SGK1: variants seen among roughly 807,000 people sequenced by gnomAD.
The protein encoded by SGK1 is serine/threonine-protein kinase Sgk1.
SGK1 carries 26 observed loss-of-function variants against 64.2 expected under a neutral mutation model. That is an observed-to-expected ratio of 0.40 (90% CI 0.30 to 0.56). The LOEUF (loss-of-function observed/expected upper bound fraction) is 0.56. Among genes scored for constraint, SGK1 ranks in the 20% least tolerant of loss-of-function variants. The pLI, the probability that SGK1 is intolerant of heterozygous loss-of-function variation, is 0.38. For synonymous variants in SGK1, 265 were observed against 239.7 expected (o/e 1.11, Z -0.98); for missense variants, 519 against 645.6 (o/e 0.80, Z 2.12).
At chr6:134,214,153 T>TCAAGCAATCCTCCCACCTC (rs1488267913) in intron 2 of SGK1, among the ~76,000 whole-genome samples, 1 of 152,020 alleles carries the variant, frequency 6.6e-6, no homozygotes, top group African/African-American at 2.4e-5. Flanking sequence ...ACTCCCAGCT[T>TCAAGCAATCCTCCCACCTC]CAAGCAATCC....
At chr6:134,193,974 C>T (rs1288523259) in intron 3 of SGK1, among the ~76,000 whole-genome samples, 2 of 151,976 alleles carry the variant, frequency 1.3e-5, no homozygotes, top group South Asian at 4.2e-4. Flanking sequence ...GACAGGAGTC[C>T]GTCCCATCCT....
intron 2 of SGK1, among the ~76,000 whole-genome samples, chr6:134,235,142 G>C (rs974257718): frequency 6.6e-6 from 1 of 152,192 alleles, no homozygotes; most frequent in Non-Finnish European, 1.5e-5. Context: ...TAGCATAATG[G>C]CTTTGTTCGA....
At chr6:134,208,738 A>ATGTG (rs199805097) in intron 2 of SGK1, among the ~76,000 whole-genome samples, 1 of 143,774 alleles carries the variant, frequency 7.0e-6, no homozygotes, top group African/African-American at 2.4e-5. Context: ...GTAGTATTCC[A>ATGTG]TGTATGCGTA....
intron 3 of SGK1, among the ~76,000 whole-genome samples, chr6:134,181,669 A>T (rs1041331889): frequency 3.9e-5 from 6 of 151,934 alleles, no homozygotes; most frequent in African/African-American, 1.5e-4. Flanking sequence ...TTCTGAGCCT[A>T]TAATCAATCT....
chr6:134,297,321 G>T, intron 1 of SGK1: 1 of 1,203,150 alleles, frequency 8.3e-7, no homozygotes, highest in Non-Finnish European at 1.2e-6. Context: ...CAGCTATCGC[G>T]CCATGTCCTG....
intron 1 of SGK1, among the ~76,000 whole-genome samples, chr6:134,267,504 G>GCTGGCCTTGAACTC (rs1249435699): frequency 6.6e-6 from 1 of 151,928 alleles, no homozygotes; most frequent in East Asian, 1.9e-4. Flanking sequence ...TGTTGCCCAG[G>GCTGGCCTTGAACTC]CTGGTCTTGA....
At chr6:134,298,043 T>A in intron 1 of SGK1, 2 of 1,023,266 alleles carry the variant, frequency 2.0e-6, no homozygotes, top group South Asian at 1.3e-5. Flanking sequence ...TTCATACAGC[T>A]GCCTCAGGAA....
chr6:134,266,864 GATA>G (rs1186751358), intron 1 of SGK1, among the ~76,000 whole-genome samples: 1 of 152,162 alleles, frequency 6.6e-6, no homozygotes, highest in East Asian at 1.9e-4. Context: ...ATTAGAGATG[GATA>G]ATGTTTTTTA....
intron 2 of SGK1, among the ~76,000 whole-genome samples, chr6:134,212,838 C>T (rs1775914045): frequency 6.6e-6 from 1 of 152,146 alleles, no homozygotes; most frequent in Non-Finnish European, 1.5e-5. Context: ...TTGCCATATG[C>T]GAGCTTTCTT....
intron 2 of SGK1, among the ~76,000 whole-genome samples, chr6:134,218,110 C>T (rs1293517549): frequency 6.6e-6 from 1 of 152,144 alleles, no homozygotes; most frequent in Admixed American, 6.5e-5. Flanking sequence ...GATTTGGGGA[C>T]CTGAAGGGGG....
chr6:134,204,942 T>C (rs552489232), intron 3 of SGK1, among the ~76,000 whole-genome samples: 159 of 151,742 alleles, frequency 1.0e-3, no homozygotes, highest in African/African-American at 3.7e-3. Context: ...CTTCCTTCCC[T>C]CCCTCCCTCC....
At chr6:134,206,963 C>CG in intron 3 of SGK1, among the ~76,000 whole-genome samples, 1 of 152,032 alleles carries the variant, frequency 6.6e-6, no homozygotes, top group Non-Finnish European at 1.5e-5. Flanking sequence ...CGGTGGCTCA[C>CG]GCCTGTAATC....
chr6:134,268,325 C>T (rs1362171778), intron 1 of SGK1, among the ~76,000 whole-genome samples: 1 of 152,196 alleles, frequency 6.6e-6, no homozygotes, highest in Non-Finnish European at 1.5e-5. Context: ...TCCTGGGCCT[C>T]CTGGGCCACC....
At chr6:134,205,565 G>A (rs1209682303) in intron 3 of SGK1, among the ~76,000 whole-genome samples, 3 of 152,180 alleles carry the variant, frequency 2.0e-5, no homozygotes, top group Non-Finnish European at 4.4e-5. Context: ...TTTCTGCTAG[G>A]AGAGCTGCTT....
intron 1 of SGK1, among the ~76,000 whole-genome samples, chr6:134,264,354 C>T (rs1562268571): frequency 6.6e-6 from 1 of 152,022 alleles, no homozygotes; most frequent in Admixed American, 6.6e-5. Flanking sequence ...CTCCTGACCT[C>T]ATGATCCGCC....
intron 2 of SGK1, among the ~76,000 whole-genome samples, chr6:134,218,437 CTT>C (rs71003680): frequency 3.9e-5 from 5 of 129,164 alleles, no homozygotes; most frequent in Admixed American, 1.7e-4. Flanking sequence ...TTCTTTTTTT[CTT>C]TTTTTTTTTT....
chr6:134,239,408 A>G (rs1776409936), intron 2 of SGK1, among the ~76,000 whole-genome samples: 1 of 152,242 alleles, frequency 6.6e-6, no homozygotes, highest in Non-Finnish European at 1.5e-5. Context: ...TGTGAAATAA[A>G]TCCCTTTTTG....
At chr6:134,289,930 C>T (rs533956035) in intron 1 of SGK1, among the ~76,000 whole-genome samples, 3 of 152,058 alleles carry the variant, frequency 2.0e-5, no homozygotes, top group African/African-American at 4.8e-5. Flanking sequence ...GGGTGGATCA[C>T]ATGAGATCAA....
Position 134,169,492 on chromosome 6 carries a change from A to G in SGK1, c.*776T>C, listed in dbSNP as rs1774937662. On this transcript the variant is annotated 3_prime_UTR_variant, in exon 14 of 14. Coordinates refer to ENST00000367858, the MANE Select transcript of SGK1 (RefSeq NM_001143676.3). ...CAGGAATGCAAAAAAAAAAACATAA[A>G]TAATGCCCATTTTACAGGTGACATT... 1 of 152,562 alleles carries G rather than the reference A, an allele frequency of 6.6e-6. No homozygotes were observed. The highest frequency in any genetic ancestry group is 2.4e-5 in the African/African-American group (1 of 41,420). 9.5% of individuals were successfully genotyped at this position (152,562 alleles called of 1,614,324 possible).
Sources: gnomAD v4.1 joint callset for allele counts (sites outside exome capture counted in the v4.1 genomes callset) on GRCh38, gnomAD v4.1.1 for gene constraint, MANE v1.5 for transcripts, NCBI Gene and HGNC (gene_info 2026-07-23, HGNC 2026-07-21) for gene names.